The following UNC13C variants were observed in gnomAD, a reference collection of about 807,000 sequenced individuals.
UNC13C encodes the protein protein unc-13 homolog C.
Under a neutral mutation model 245.4 loss-of-function variants are expected in UNC13C, and 174 were observed. That is an observed-to-expected ratio of 0.71 (90% CI 0.63 to 0.80). The LOEUF (loss-of-function observed/expected upper bound fraction) is 0.80, where lower values mean the gene tolerates loss of function less well. Among genes scored for constraint, UNC13C ranks in the 30% least tolerant of loss-of-function variants. The pLI is 0.00. For missense variants in UNC13C, 2,829 were observed against 2,602.9 expected (o/e 1.09, Z -1.89); for synonymous variants, 992 against 895.1 (o/e 1.11, Z -1.93).
At chr15:54,053,965 C>T (rs1418100167) in intron 2 of UNC13C, among the ~76,000 whole-genome samples, 1 of 152,148 alleles carries the variant, frequency 6.6e-6, no homozygotes, top group Non-Finnish European at 1.5e-5. Context: ...TTGCAAATGA[C>T]AGGATCTCAT....
chr15:54,332,390 A>G (rs758493123), intron 15 of UNC13C, among the ~76,000 whole-genome samples: 1 of 151,406 alleles, frequency 6.6e-6, no homozygotes, highest in Non-Finnish European at 1.5e-5. Flanking sequence ...TAGCCATCAG[A>G]TTCAATGACC....
intron 19 of UNC13C, among the ~76,000 whole-genome samples, chr15:54,458,680 C>CTTTTTTT (rs79291504): frequency 0.029 from 1,931 of 65,952 alleles, 262 homozygotes; most frequent in East Asian, 0.047. Context: ...CCTTTAAGGT[C>CTTTTTTT]TTTTTTTTTT....
chr15:54,000,242 A>C lies in UNC13C; in HGVS notation c.-256-12406A>C, dbSNP rs115919581. The stretch of plus-strand genomic sequence containing the variant: ...AAGAACAGCATCGGGTTATAATAAA[A>C]AGAGTCAATTTCCACAAGCCAAACT... On this transcript the variant is annotated intron_variant, in intron 1 of 32. Coordinates refer to ENST00000260323, the MANE Select transcript of UNC13C (RefSeq NM_001080534.3). Among the ~76,000 whole-genome samples, 721 of 152,192 alleles carry C rather than the reference A, an allele frequency of 4.7e-3. 6 individuals are homozygous for C. The highest frequency in any genetic ancestry group is 0.016 in the African/African-American group (676 of 41,554).
chr15:54,024,628 T>C (rs1474974405), intron 2 of UNC13C, among the ~76,000 whole-genome samples: 2 of 152,110 alleles, frequency 1.3e-5, no homozygotes, highest in African/African-American at 4.8e-5. Flanking sequence ...TAAAAAAATA[T>C]GCTATGAATG....
intron 32 of UNC13C, 102 bp from the exon 33 acceptor site, chr15:54,626,726 A>G (rs1320555469): frequency 2.9e-6 from 3 of 1,052,310 alleles, no homozygotes; most frequent in Non-Finnish European, 4.1e-6. Context: ...CAACATAATA[A>G]TCAGATCCAA....
intron 30 of UNC13C, among the ~76,000 whole-genome samples, chr15:54,600,720 G>C (rs185878562): frequency 2.6e-5 from 4 of 151,646 alleles, no homozygotes; most frequent in African/African-American, 9.7e-5. Context: ...TTTTATCTTT[G>C]AAAACAAAGC....
At chr15:54,453,675 A>G (rs1891309407) in intron 19 of UNC13C, among the ~76,000 whole-genome samples, 1 of 152,168 alleles carries the variant, frequency 6.6e-6, no homozygotes, top group Non-Finnish European at 1.5e-5. Flanking sequence ...ATACCTTTTG[A>G]AATATATTGA....
chr15:54,440,905 G>A (rs760515637), intron 19 of UNC13C, among the ~76,000 whole-genome samples: 4 of 152,082 alleles, frequency 2.6e-5, no homozygotes, highest in African/African-American at 4.8e-5. Flanking sequence ...TTTCCCTGAT[G>A]ATTAGTGATG....
At chr15:54,443,511 T>C (rs1029237882) in intron 19 of UNC13C, among the ~76,000 whole-genome samples, 3 of 152,114 alleles carry the variant, frequency 2.0e-5, no homozygotes, top group African/African-American at 7.2e-5. Flanking sequence ...TATTTAAAAA[T>C]CTTTTTACTT....
chr15:54,203,089 C>G (rs1474119739), intron 4 of UNC13C, among the ~76,000 whole-genome samples: 1 of 151,988 alleles, frequency 6.6e-6, no homozygotes, highest in South Asian at 2.1e-4. Context: ...CCCAACATCA[C>G]TAACTGTCAG....
intron 17 of UNC13C, among the ~76,000 whole-genome samples, chr15:54,392,268 T>C (rs980387312): frequency 6.6e-6 from 1 of 152,114 alleles, no homozygotes; most frequent in African/African-American, 2.4e-5. Flanking sequence ...GAAATTTATA[T>C]GTGAAACATT....
intron 2 of UNC13C, among the ~76,000 whole-genome samples, chr15:54,029,788 C>T (rs1310152439): frequency 6.6e-6 from 1 of 152,114 alleles, no homozygotes; most frequent in African/African-American, 2.4e-5. Flanking sequence ...CCTATGCGGC[C>T]CTACTCAGCC....
At chr15:53,896,775 T>C in the UNC13C span, among the ~76,000 whole-genome samples, 1 of 152,150 alleles carries the variant, frequency 6.6e-6, no homozygotes, top group East Asian at 1.9e-4. Context: ...TCCCATATTC[T>C]TTAGCAATTC....
the UNC13C span, among the ~76,000 whole-genome samples, chr15:53,962,145 A>G: frequency 6.6e-6 from 1 of 152,138 alleles, no homozygotes; most frequent in Non-Finnish European, 1.5e-5. Flanking sequence ...CTATAATATA[A>G]TCTCAGATTC....
At chr15:54,236,481 A>T (rs1361150457) in intron 6 of UNC13C, 46 bp downstream of exon 6, 4 of 1,490,568 alleles carry the variant, frequency 2.7e-6, no homozygotes, top group Non-Finnish European at 3.7e-6. Flanking sequence ...CAGTCTTCTC[A>T]AACATACACT....
intron 16 of UNC13C, among the ~76,000 whole-genome samples, chr15:54,334,249 C>T (rs1210339174): frequency 6.6e-6 from 1 of 152,074 alleles, no homozygotes; most frequent in African/African-American, 2.4e-5. Context: ...TTTAAGTTTA[C>T]CCCAATTGTG....
At chr15:54,050,562 G>C (rs753725479) in intron 2 of UNC13C, 5 of 445,154 alleles carry the variant, frequency 1.1e-5, no homozygotes, top group African/African-American at 4.1e-5. Context: ...GTATTCTCCA[G>C]AGTGAGCTGC....
intron 13 of UNC13C, among the ~76,000 whole-genome samples, chr15:54,316,644 G>A (rs1011392142): frequency 7.2e-5 from 11 of 152,014 alleles, no homozygotes; most frequent in African/African-American, 2.2e-4. Flanking sequence ...TATAGCATCT[G>A]CCATGTAAGT....
chr15:53,986,631 A>G (rs541210233), intron 1 of UNC13C, among the ~76,000 whole-genome samples: 1 of 152,192 alleles, frequency 6.6e-6, no homozygotes, highest in African/African-American at 2.4e-5. Flanking sequence ...TACAGTACCA[A>G]GAAAGTACTT....
Sources: gnomAD v4.1 joint callset for allele counts (sites outside exome capture counted in the v4.1 genomes callset) on GRCh38, gnomAD v4.1.1 for gene constraint, MANE v1.5 for transcripts, NCBI Gene and HGNC (gene_info 2026-07-23, HGNC 2026-07-21) for gene names.